Variants in PCNX2 observed in about 807,000 individuals in gnomAD.
The protein encoded by PCNX2 is pecanex-like protein 2.
A neutral mutation model predicts 223.8 loss-of-function variants in PCNX2; 168 were observed. That is an observed-to-expected ratio of 0.75 (90% CI 0.66 to 0.85). The LOEUF is 0.85. Among genes scored for constraint, PCNX2 ranks in the 40% least tolerant of loss-of-function variants. The pLI is 0.00. For synonymous variants in PCNX2, 1,006 were observed against 1,052.6 expected, an observed-to-expected ratio of 0.96 and a Z score of 0.86; for missense variants, 2,507 against 2,675.5, an observed-to-expected ratio of 0.94 and a Z score of 1.39.
Position 233,250,836 on chromosome 1 carries a change from T to TA in PCNX2, c.2129-5dup. ...AAATAACAGGATCTAATTTCCCCTG[T>TA]AAAATCAGAAAATTTCAGCAAAGAA... On this transcript the variant is annotated splice_region_variant and splice_polypyrimidine_tract_variant and intron_variant, in intron 7 of 33. Coordinates refer to ENST00000258229, the MANE Select transcript of PCNX2 (RefSeq NM_014801.4). 6.3e-7 allele frequency: 1 copy of TA among 1,575,836 alleles called. No individual in the cohort carries two copies. The highest frequency in any genetic ancestry group is 8.6e-7 in the Non-Finnish European group (1 of 1,159,568).
At position 233,026,995 on chromosome 1, in the gene PCNX2, C is replaced by A. The variant is rs547118185; in HGVS notation, c.4352-1596G>T. Among the ~76,000 whole-genome samples, 7 of 152,166 alleles carry A rather than the reference C, an allele frequency of 4.6e-5. No individual in the cohort carries two copies. The South Asian group carries it at 1.2e-3, about 27-fold the overall frequency. On this transcript the variant is annotated intron_variant, in intron 25 of 33. Transcript: ENST00000258229. The stretch of plus-strand genomic sequence containing the variant: ...ACCTATATGCTAATAAGAGAGTGTA[C>A]AGAGAGTATGGAGAAGAGGTCTGAG...
At chr1:233,217,593 A>G (rs1029454477) in intron 12 of PCNX2, among the ~76,000 whole-genome samples, 1 of 152,130 alleles carries the variant, frequency 6.6e-6, no homozygotes, top group African/African-American at 2.4e-5. Flanking sequence ...TCTGATGGCA[A>G]CGTCTGCGGT....
At chr1:233,024,392 C>A (rs1671011514) in intron 26 of PCNX2, among the ~76,000 whole-genome samples, 1 of 152,182 alleles carries the variant, frequency 6.6e-6, no homozygotes, top group Non-Finnish European at 1.5e-5. Context: ...TAAGAGGTGA[C>A]GTTCCTGTGG....
intron 22 of PCNX2, among the ~76,000 whole-genome samples, chr1:233,092,678 C>T (rs1284156551): frequency 1.3e-5 from 2 of 152,194 alleles, no homozygotes; most frequent in Admixed American, 6.5e-5. Context: ...GGAGCAGGCA[C>T]ATAAAGCCCT....
Position 233,095,852 on chromosome 1 carries a change from C to T in PCNX2, c.3849G>A (p.Leu1283=). ...TCAGGACGAACTGTAACTTGTGAAG[C>T]AGGTCCCCGAGCTGAAAGTAAAAGA... ...VSILFSKLGD[L]LHKLQFVLTY... The change falls in exon 22 of 34, where the codon CTG becomes CTA. Residue 1283 remains leucine (L), a synonymous_variant. Transcript: ENST00000258229. The T allele has an allele frequency of 6.2e-7, 1 of 1,609,788 alleles. No individual in the cohort carries two copies. Among genetic ancestry groups the T allele is most frequent in the South Asian group, 1.1e-5 (1 of 90,082 alleles).
chr1:233,205,514 T>G (rs1237036164), intron 13 of PCNX2, among the ~76,000 whole-genome samples: 3 of 151,980 alleles, frequency 2.0e-5, no homozygotes, highest in Non-Finnish European at 4.4e-5. Flanking sequence ...GCCAACATGG[T>G]GAAACCCCGT....
At chr1:233,097,891 C>T (rs1007318112) in intron 21 of PCNX2, among the ~76,000 whole-genome samples, 2 of 152,086 alleles carry the variant, frequency 1.3e-5, no homozygotes, top group Admixed American at 6.5e-5. Flanking sequence ...ACATCAAGTG[C>T]CCAAGAGAAG....
intron 10 of PCNX2, among the ~76,000 whole-genome samples, chr1:233,224,464 A>C (rs1356670403): frequency 6.6e-6 from 1 of 152,206 alleles, no homozygotes; most frequent in African/African-American, 2.4e-5. Context: ...AATCTATGGG[A>C]GTTTATAGCA....
Position 233,258,836 on chromosome 1 carries a change from G to C in PCNX2, c.1026C>G (p.Pro342=). Residue 342 remains proline, a synonymous_variant, in exon 5 of 34, where the codon CCC becomes CCG. Transcript: ENST00000258229. ...CTGAGGAGTCCACTTCCTGGTGCAAGGGCAGGTCCCCCTGGCAGGAGGTAT... is the reference window on the plus strand; with the variant it reads ...CTGAGGAGTCCACTTCCTGGTGCAACGGCAGGTCCCCCTGGCAGGAGGTAT... The part of the protein sequence containing the change: ...QVDTSCQGDL[P]LHQEVDSSDS... The C allele has an allele frequency of 6.2e-7, 1 of 1,613,942 alleles. No homozygotes were observed. Among genetic ancestry groups the C allele is most frequent in the Non-Finnish European group, 8.5e-7 (1 of 1,179,892 alleles).
At chr1:233,320,535 A>T in the PCNX2 span, among the ~76,000 whole-genome samples, 1 of 152,064 alleles carries the variant, frequency 6.6e-6, no homozygotes, top group Non-Finnish European at 1.5e-5. Context: ...CTTGATAACC[A>T]CTAATCTTTT....
chr1:233,241,404 T>G (rs1184538326), intron 8 of PCNX2: 1 of 978,144 alleles, frequency 1.0e-6, no homozygotes, highest in African/African-American at 1.8e-5. Flanking sequence ...TTCGTCCTTA[T>G]GCCTCTATGC....
At chr1:233,217,227 A>G (rs1003175038) in intron 12 of PCNX2, among the ~76,000 whole-genome samples, 2 of 152,238 alleles carry the variant, frequency 1.3e-5, no homozygotes, top group Non-Finnish European at 2.9e-5. Context: ...TCACCAGAAA[A>G]AAAAATGATA....
the PCNX2 span, among the ~76,000 whole-genome samples, chr1:233,318,563 C>CTTTT: frequency 1.3e-3 from 120 of 92,506 alleles, 2 homozygotes; most frequent in African/African-American, 2.7e-3. Flanking sequence ...TTTTCTTTTT[C>CTTTT]TTTTTTTTTT....
At chr1:233,247,261 T>C (rs1479039051) in intron 8 of PCNX2, among the ~76,000 whole-genome samples, 1 of 152,212 alleles carries the variant, frequency 6.6e-6, no homozygotes, top group Non-Finnish European at 1.5e-5. Flanking sequence ...TGCTCATGCA[T>C]CTGACAGGAA....
chr1:233,317,794 T>A, the PCNX2 span, among the ~76,000 whole-genome samples: 5 of 152,218 alleles, frequency 3.3e-5, no homozygotes, highest in Admixed American at 6.5e-5. Flanking sequence ...TATGCTTTAA[T>A]GCATTAGCTC....
At chr1:233,230,990 T>C (rs553859572) in intron 9 of PCNX2, among the ~76,000 whole-genome samples, 3 of 152,180 alleles carry the variant, frequency 2.0e-5, no homozygotes, top group Non-Finnish European at 4.4e-5. Flanking sequence ...TTTTTGATGA[T>C]ATTAGTAATT....
Position 233,126,840 on chromosome 1 carries a change from C to G in PCNX2, c.3837+8173G>C, listed in dbSNP as rs1676129068. On this transcript the variant is annotated intron_variant, in intron 21 of 33. Transcript: ENST00000258229. This position sits in a 1 kb window ranked among gnomAD's most constrained non-coding sequence, Gnocchi z 4.8. ...CTTTTCCCAAAAACGTCTTTCTCTT[C>G]TTTATTATTCCCTAATCTAGTTAAT... is the stretch of plus-strand genomic sequence containing the variant. Among the ~76,000 whole-genome samples, 1 of 152,060 alleles carries G rather than the reference C, an allele frequency of 6.6e-6. No homozygotes were observed. The highest frequency in any genetic ancestry group is 2.1e-4 in the South Asian group (1 of 4,828).
intron 21 of PCNX2, among the ~76,000 whole-genome samples, chr1:233,098,410 C>A (rs1486860020): frequency 2.6e-5 from 4 of 152,166 alleles, no homozygotes; most frequent in Admixed American, 2.6e-4. Context: ...ATAAGAAAAA[C>A]CAGTAATCAG....
intron 21 of PCNX2, among the ~76,000 whole-genome samples, chr1:233,096,229 G>A (rs562884179): frequency 6.6e-6 from 1 of 152,136 alleles, no homozygotes; most frequent in Non-Finnish European, 1.5e-5. Context: ...ACATTGTTGA[G>A]GTTTTTGCGT....
Sources: gnomAD v4.1 joint callset for allele counts (sites outside exome capture counted in the v4.1 genomes callset) on GRCh38, gnomAD v4.1.1 for gene constraint, Gnocchi (gnomAD v3.1) non-coding constraint, MANE v1.5 for transcripts, NCBI Gene and HGNC (gene_info 2026-07-23, HGNC 2026-07-21) for gene names.